Variants in SLC4A1AP observed in about 807,000 individuals in gnomAD.
The protein encoded by SLC4A1AP is kanadaptin.
Under a neutral mutation model 89.7 loss-of-function variants are expected in SLC4A1AP, and 64 were observed. That is an observed-to-expected ratio of 0.71 (90% CI 0.58 to 0.88). The LOEUF (loss-of-function observed/expected upper bound fraction) is 0.88. SLC4A1AP is among the 40% of genes least tolerant of loss of function. The pLI, the probability that SLC4A1AP is intolerant of heterozygous loss-of-function variation, is 0.00. For missense variants in SLC4A1AP, 931 were observed against 965.0 expected, an observed-to-expected ratio of 0.96 and a Z score of 0.47; for synonymous variants, 366 against 353.3, an observed-to-expected ratio of 1.04 and a Z score of -0.40.
At chr2:27,667,130 A>G in intron 2 of SLC4A1AP, 138 bp from the exon 3 acceptor site, 1 of 843,642 alleles carries the variant, frequency 1.2e-6, no homozygotes, top group Non-Finnish European at 1.7e-6. Context: ...TGGCCTCCCA[A>G]AGTGCTGGGA....
Position 27,688,304 on chromosome 2 carries a change from A to C in SLC4A1AP, c.2203+284A>C, listed in dbSNP as rs966710448. ...CTCTGGCTGTGCAAAGCTCTCCACAATTTTACATCTCCCAAAGTCAAATAT... is the reference window on the plus strand; with the variant it reads ...CTCTGGCTGTGCAAAGCTCTCCACACTTTTACATCTCCCAAAGTCAAATAT... On this transcript the variant is annotated intron_variant, in intron 11 of 13. Coordinates refer to ENST00000613058, the Ensembl canonical transcript of SLC4A1AP. 4.6e-5 allele frequency among the ~76,000 whole-genome samples: 7 copies of C among 152,178 alleles called. No homozygotes were observed. The South Asian group carries it at 1.5e-3, about 32-fold the overall frequency.
intron 4 of SLC4A1AP, 72 bp from the exon 5 acceptor site, chr2:27,669,173 TATC>T: frequency 2.7e-6 from 4 of 1,464,776 alleles, no homozygotes; most frequent in Non-Finnish European, 2.8e-6. Flanking sequence ...AAATGACTAT[TATC>T]ATAGCATAGT....
intron 12 of SLC4A1AP, among the ~76,000 whole-genome samples, chr2:27,689,166 A>G (rs1675751161): frequency 6.6e-6 from 1 of 152,172 alleles, no homozygotes; most frequent in Non-Finnish European, 1.5e-5. Flanking sequence ...TTGTAACAGT[A>G]TATTGAGAGT....
chr2:27,667,241 C>CT (rs774237654), intron 2 of SLC4A1AP, 27 bp from the exon 3 acceptor site: 2 of 1,591,850 alleles, frequency 1.3e-6, no homozygotes, highest in Non-Finnish European at 1.7e-6. Flanking sequence ...GTCTGATTAT[C>CT]TTTTCTTTCT....
At chr2:27,678,385 C>T (rs28631606) in intron 8 of SLC4A1AP, among the ~76,000 whole-genome samples, 8,599 of 151,964 alleles carry the variant, frequency 0.057, 660 homozygotes, top group African/African-American at 0.18. Flanking sequence ...ATAAAAACAT[C>T]AGCCAGCCAT....
At chr2:27,671,234 A>G (rs1675424036) in intron 5 of SLC4A1AP, among the ~76,000 whole-genome samples, 1 of 152,180 alleles carries the variant, frequency 6.6e-6, no homozygotes, top group Non-Finnish European at 1.5e-5. Flanking sequence ...AAACACCTGT[A>G]TTTCTAAGAA....
At chr2:27,668,212 G>C (rs1367759581) in intron 3 of SLC4A1AP, among the ~76,000 whole-genome samples, 1 of 150,836 alleles carries the variant, frequency 6.6e-6, no homozygotes, top group Non-Finnish European at 1.5e-5. Context: ...GCAGTGGTGC[G>C]ATCTCGCCTC....
chr2:27,685,198 A>G (rs1194317400), exon 10 of SLC4A1AP: 3 of 1,614,224 alleles, frequency 1.9e-6, no homozygotes, highest in Admixed American at 3.3e-5. Flanking sequence ...GGCCACAGCC[A>G]GAGATAGAGC....
chr2:27,674,580 AT>A (rs111930960), intron 5 of SLC4A1AP, among the ~76,000 whole-genome samples: 8,774 of 150,824 alleles, frequency 0.058, 690 homozygotes, highest in African/African-American at 0.18. Context: ...TTTGTACTTT[AT>A]TTTTTTTTAA....
In SLC4A1AP at chr2:27,677,938, A is replaced by C. The variant is rs780249129; in HGVS notation, c.1763+14A>C. On this transcript the variant is annotated intron_variant, in intron 8 of 13. Transcript: ENST00000613058. ...AGAACTAAAAAAGTAAGTCTTAGTT[A>C]TATTTGGAATTCTAAATAAGTATGG... 2.6e-6 allele frequency: 4 copies of C among 1,531,600 alleles called. No homozygotes were observed. In the South Asian group the frequency reaches 4.8e-5, roughly 18 times the overall value. The allele number at this position is 1,531,600 out of a possible 1,614,324, so 94.9% of individuals were successfully genotyped here.
chr2:27,685,695 T>C (rs1237924823), intron 10 of SLC4A1AP, among the ~76,000 whole-genome samples: 1 of 152,192 alleles, frequency 6.6e-6, no homozygotes, highest in East Asian at 1.9e-4. Context: ...ATAATTGTAC[T>C]CATTGGACTA....
intron 12 of SLC4A1AP, chr2:27,692,718 G>C (rs1367411796): frequency 6.6e-6 from 1 of 151,966 alleles, no homozygotes; most frequent in Admixed American, 6.6e-5. Flanking sequence ...TTGTTGGGTT[G>C]ATCCTTTTAT....
At chr2:27,665,487 G>C (rs1466649454) in intron 2 of SLC4A1AP, among the ~76,000 whole-genome samples, 192 bp downstream of exon 2, 1 of 152,090 alleles carries the variant, frequency 6.6e-6, no homozygotes, top group East Asian at 1.9e-4. Flanking sequence ...TTGACTTATA[G>C]GCACTTTGGA....
chr2:27,685,617 T>C (rs1050128674), intron 10 of SLC4A1AP, among the ~76,000 whole-genome samples: 1 of 152,182 alleles, frequency 6.6e-6, no homozygotes, highest in Non-Finnish European at 1.5e-5. Flanking sequence ...TGGGGCCTGA[T>C]CAGGTGGTCT....
exon 5 of SLC4A1AP, chr2:27,669,270 G>A: frequency 6.2e-7 from 1 of 1,612,026 alleles, no homozygotes; most frequent in Admixed American, 1.7e-5. Flanking sequence ...CGATTCAACT[G>A]GAAAACAACT....
At chr2:27,671,568 T>C (rs985345104) in intron 5 of SLC4A1AP, among the ~76,000 whole-genome samples, 2 of 152,232 alleles carry the variant, frequency 1.3e-5, no homozygotes, top group African/African-American at 4.8e-5. Context: ...TCAGGGCTTA[T>C]TGCTCTGCAG....
chr2:27,689,117 T>G (rs754434466), intron 12 of SLC4A1AP, among the ~76,000 whole-genome samples: 4 of 152,156 alleles, frequency 2.6e-5, no homozygotes, highest in Non-Finnish European at 5.9e-5. Context: ...TTTGTTTTAT[T>G]TATTTATTTA....
At chr2:27,668,954 G>A in intron 4 of SLC4A1AP, 51 bp downstream of exon 4, 1 of 1,527,612 alleles carries the variant, frequency 6.5e-7, no homozygotes, top group Non-Finnish European at 9.1e-7. Flanking sequence ...CCAATTTCAG[G>A]TTTAATGTAT....
intron 7 of SLC4A1AP, 90 bp from the exon 8 acceptor site, chr2:27,677,648 A>T (rs536926474): frequency 9.3e-7 from 1 of 1,080,030 alleles, no homozygotes; most frequent in Admixed American, 2.5e-5. Flanking sequence ...GTCCGGTTTT[A>T]TGTTAGTGAC....
Sources: gnomAD v4.1 joint callset for allele counts (sites outside exome capture counted in the v4.1 genomes callset) on GRCh38, gnomAD v4.1.1 for gene constraint, MANE v1.5 for transcripts, NCBI Gene and HGNC (gene_info 2026-07-23, HGNC 2026-07-21) for gene names.